Variants in CFLAR observed in about 807,000 individuals in gnomAD.
The protein encoded by CFLAR is CASP8 and FADD-like apoptosis regulator.
In CFLAR, 14 loss-of-function variants were observed where a neutral mutation model predicts 51.1. The ratio of observed to expected loss-of-function variants is 0.27; its 90% CI spans 0.18 to 0.43. CFLAR has a LOEUF of 0.43. CFLAR is among the 20% of genes least tolerant of loss of function. The probability of loss-of-function intolerance (pLI) is 1.00; values close to 1 mark genes in which losing one functional copy is unlikely to be tolerated. For synonymous variants in CFLAR, 210 were observed against 211.6 expected, an observed-to-expected ratio of 0.99 and a Z score of 0.06; for missense variants, 390 against 566.5, an observed-to-expected ratio of 0.69 and a Z score of 3.16.
In CFLAR at chr2:201,165,132, TC is replaced by T. The variant is rs1187992083; in HGVS notation, c.*1160del. The T allele has an allele frequency of 1.3e-5, 2 of 152,128 alleles. No homozygotes were observed. Among genetic ancestry groups the T allele is most frequent in the Non-Finnish European group, 2.9e-5 (2 of 68,018 alleles). The allele number at this position is 152,128 out of a possible 1,614,324, so 9.4% of individuals were successfully genotyped here. ...GCCTTATGATTTAGAGGTTACTTGT[TC>T]ATTCACCTAGACCTCAAATTGCATT... On this transcript the variant is annotated 3_prime_UTR_variant, in exon 10 of 10. Transcript: ENST00000309955.
chr2:201,175,752 T>G lies in CFLAR; in HGVS notation c.*11779T>G, dbSNP rs1428766881. The G allele has an allele frequency of 6.6e-6, 1 of 152,072 alleles. No individual in the cohort carries two copies. Among genetic ancestry groups the G allele is most frequent in the African/African-American group, 2.4e-5 (1 of 41,410 alleles). 9.4% of individuals were successfully genotyped at this position (152,072 alleles called of 1,614,324 possible). A position where few individuals can be genotyped will look rare whatever the true frequency, so the allele number is the denominator to read the frequency against. ...TCCTCCTCAGAAGAAAGAATTTGAC[T>G]GAGGGGCATAAGGCAGAAGGAGGGA... On this transcript the variant is annotated 3_prime_UTR_variant, in exon 10 of 10. Transcript: ENST00000309955.
intron 8 of CFLAR, among the ~76,000 whole-genome samples, chr2:201,157,031 C>T (rs72931059): frequency 0.027 from 4,144 of 152,272 alleles, 89 homozygotes; most frequent in Middle Eastern, 0.082. Context: ...ATGTGCAACA[C>T]CATAAGGTTG....
chr2:201,140,760 T>A, intron 5 of CFLAR: 1 of 85,382 alleles, frequency 1.2e-5, no homozygotes, highest in Non-Finnish European at 2.3e-5. Context: ...TGTATGTATG[T>A]ATATATATAT....
rs1033447429 is a variant in CFLAR, at chr2:201,127,388, C to T, written c.-137-2341C>T. On this transcript the variant is annotated intron_variant, in intron 1 of 9. Transcript: ENST00000309955. ...GAACTCATTCATCTGGGTGTGGTGG[C>T]TTACACCTGTAATCTCAGCATTTCG... 3.9e-5 allele frequency among the ~76,000 whole-genome samples: 6 copies of T among 152,108 alleles called. No individual in the cohort carries two copies. The East Asian group carries it at 1.2e-3, about 29-fold the overall frequency.
intron 5 of CFLAR, chr2:201,141,232 A>G: frequency 8.5e-7 from 1 of 1,170,564 alleles, no homozygotes; most frequent in Non-Finnish European, 1.1e-6. Flanking sequence ...CTCTGTCTCA[A>G]AAAAAATGTT....
intron 3 of CFLAR, 37 bp downstream of exon 3, chr2:201,133,171 C>T: frequency 1.3e-6 from 2 of 1,517,442 alleles, no homozygotes; most frequent in Non-Finnish European, 1.8e-6. Flanking sequence ...CCCCAGGAGC[C>T]TATCAGAAGT....
chr2:201,149,895 G>T (rs1940954715), intron 8 of CFLAR, 60 bp downstream of exon 8: 1 of 1,283,562 alleles, frequency 7.8e-7, no homozygotes, highest in Non-Finnish European at 1.1e-6. Flanking sequence ...GCACAGGCAA[G>T]CTGTATTCAT....
At chr2:201,155,629 C>T (rs973285551) in intron 8 of CFLAR, among the ~76,000 whole-genome samples, 2 of 151,740 alleles carry the variant, frequency 1.3e-5, no homozygotes, top group African/African-American at 2.4e-5. Flanking sequence ...TCTGTACTTT[C>T]CTTTTCTTTT....
At chr2:201,161,761 T>G (rs78430376) in intron 9 of CFLAR, among the ~76,000 whole-genome samples, 1 of 119,014 alleles carries the variant, frequency 8.4e-6, no homozygotes. Context: ...TTTTTTTTTT[T>G]TTGAGACAGA....
chr2:201,119,048 G>A (rs2047905352), intron 1 of CFLAR: 1 of 152,266 alleles, frequency 6.6e-6, no homozygotes, highest in African/African-American at 2.4e-5. Flanking sequence ...GCCTCCAGAG[G>A]ACTCACAACA....
At chr2:201,125,353 A>G (rs2048577130) in intron 1 of CFLAR, among the ~76,000 whole-genome samples, 1 of 152,160 alleles carries the variant, frequency 6.6e-6, no homozygotes. Context: ...GTGAAAGGGA[A>G]TAAAGTGAAA....
intron 4 of CFLAR, chr2:201,139,157 A>C (rs1458444026): frequency 8.1e-6 from 3 of 371,326 alleles, no homozygotes; most frequent in Non-Finnish European, 1.5e-5. Flanking sequence ...TCCCTGAAAC[A>C]TGTGCTATGT....
chr2:201,122,320 G>T (rs1414773191), intron 1 of CFLAR, among the ~76,000 whole-genome samples: 1 of 152,214 alleles, frequency 6.6e-6, no homozygotes, highest in African/African-American at 2.4e-5. Context: ...CATTAGCATT[G>T]TTATCTCATG....
chr2:201,128,312 A>C (rs1468682923), intron 1 of CFLAR, among the ~76,000 whole-genome samples: 1 of 152,212 alleles, frequency 6.6e-6, no homozygotes, highest in Non-Finnish European at 1.5e-5. Context: ...CAGAACACAT[A>C]AAATTTGTAT....
intron 3 of CFLAR, among the ~76,000 whole-genome samples, chr2:201,133,838 A>G (rs1280729037): frequency 6.7e-6 from 1 of 148,796 alleles, no homozygotes; most frequent in Non-Finnish European, 1.5e-5. Flanking sequence ...GGCTGAGGCA[A>G]GAGAATGGTG....
Position 201,129,970 on chromosome 2 carries a change from T to G in CFLAR, c.105T>G (p.Pro35=), listed in dbSNP as rs1457230683. The G allele has an allele frequency of 1.2e-6, 2 of 1,614,064 alleles. No homozygotes were observed. Among genetic ancestry groups the G allele is most frequent in the Non-Finnish European group, 1.7e-6 (2 of 1,180,040 alleles). ...CRDVAIDVVP[P]NVRDLLDILR... The stretch of plus-strand genomic sequence containing the variant: ...ATGTTGCTATAGATGTGGTTCCACC[T>G]AATGTCAGGGACCTTCTGGATATTT... Residue 35 remains proline (P), a synonymous_variant, in exon 2 of 10, where the codon CCT becomes CCG. Coordinates refer to ENST00000309955, the MANE Select transcript of CFLAR (RefSeq NM_003879.7).
chr2:201,141,384 C>T, intron 5 of CFLAR: 1 of 1,558,634 alleles, frequency 6.4e-7, no homozygotes, highest in Non-Finnish European at 8.7e-7. Flanking sequence ...ATGATAACAC[C>T]CTATGCCCAT....
intron 1 of CFLAR, among the ~76,000 whole-genome samples, chr2:201,126,964 G>T (rs1337099553): frequency 6.6e-6 from 1 of 152,194 alleles, no homozygotes; most frequent in African/African-American, 2.4e-5. Flanking sequence ...AGTTGCTCTT[G>T]TGAAGGTCAG....
intron 8 of CFLAR, chr2:201,154,337 C>A (rs959947838): frequency 2.5e-5 from 4 of 159,676 alleles, no homozygotes; most frequent in Non-Finnish European, 4.2e-5. Context: ...GATCTGCCCA[C>A]CTCAGCCTCC....
Sources: allele counts gnomAD v4.1 joint callset (sites outside exome capture counted in the v4.1 genomes callset), GRCh38; gene constraint gnomAD v4.1.1; transcripts MANE v1.5; gene names NCBI Gene and HGNC (gene_info 2026-07-23, HGNC 2026-07-21).